Variants in SHF observed in about 807,000 individuals in gnomAD.
SHF encodes the protein Src homology 2 domain containing F, also known as SH2 domain-containing adapter protein F.
In SHF, 30 loss-of-function variants were observed where a neutral mutation model predicts 42.4. The ratio of observed to expected loss-of-function variants is 0.71; its 90% CI spans 0.53 to 0.96. The LOEUF is 0.96. Among genes scored for constraint, SHF ranks in the 40% least tolerant of loss-of-function variants. The probability of loss-of-function intolerance (pLI) is 0.00; values close to 1 mark genes in which losing one functional copy is unlikely to be tolerated. For missense variants in SHF, 598 were observed against 634.0 expected (o/e 0.94, Z 0.61); for synonymous variants, 264 against 269.9 (o/e 0.98, Z 0.21).
At chr15:45,175,455 G>A (rs1897751071) in intron 2 of SHF, 30 bp from the exon 3 acceptor site, 2 of 1,553,886 alleles carry the variant, frequency 1.3e-6, no homozygotes, top group Non-Finnish European at 1.7e-6. Flanking sequence ...AGGGAAAGGT[G>A]AGGGTTCAGC....
chr15:45,198,274 A>G (rs1366017981), intron 2 of SHF, among the ~76,000 whole-genome samples: 2 of 152,120 alleles, frequency 1.3e-5, no homozygotes, highest in Admixed American at 1.3e-4. Context: ...CTGTCTCAAA[A>G]ATAAATAAAT....
At chr15:45,183,980 T>A (rs577749695) in intron 1 of SHF, among the ~76,000 whole-genome samples, 1 of 152,308 alleles carries the variant, frequency 6.6e-6, no homozygotes, top group East Asian at 1.9e-4. Context: ...CCTCCCTCCC[T>A]TCCCCAGACT....
chr15:45,187,809 G>A lies in SHF; in HGVS notation c.143C>T (p.Ala48Val), dbSNP rs1335357182. ...GCCCAGGTGCTCCCGGAGCCACTTGGCTACTCCGCCGCTGCCGCCCCCTCC... is the reference window on the plus strand; with the variant it reads ...GCCCAGGTGCTCCCGGAGCCACTTGACTACTCCGCCGCTGCCGCCCCCTCC... ...GPGGGGSGGVAKWLREHLGFR... is the reference protein window; with the variant it reads ...GPGGGGSGGVVKWLREHLGFR... Residue 48 changes from alanine to valine, a missense_variant, in exon 1 of 7, where the codon GCC becomes GTC. Coordinates refer to ENST00000690270, the MANE Select transcript of SHF (RefSeq NM_001394037.1). The A allele has an allele frequency of 4.5e-6, 4 of 887,910 alleles. No homozygotes were observed. The highest frequency in any genetic ancestry group is 4.4e-5 in the Admixed American group (1 of 22,814). The allele number at this position is 887,910 out of a possible 1,614,324, so 55.0% of individuals were successfully genotyped here.
upstream of SHF, among the ~76,000 whole-genome samples, chr15:45,189,981 G>A (rs1645032492): frequency 6.6e-6 from 1 of 152,164 alleles, no homozygotes. Context: ...AGTGCTGCTT[G>A]TATTTAGGAC....
rs149255541 is a variant in SHF at position 45,174,278 on chromosome 15, G to A, written c.848-562C>T. On this transcript the variant is annotated intron_variant, in intron 3 of 6. Transcript: ENST00000690270. Reference sequence around the variant, plus strand: ...TCCTGAGAAGAGTGATGCCACTGGCGGCTGCTGGACTGCTAACGAGGTTTC... The same window carrying A: ...TCCTGAGAAGAGTGATGCCACTGGCAGCTGCTGGACTGCTAACGAGGTTTC... 3.4e-3 allele frequency: 574 copies of A among 169,794 alleles called. 4 individuals carry two copies. Among genetic ancestry groups the A allele is most frequent in the African/African-American group, 0.013 (538 of 41,616 alleles). The allele number at this position is 169,794 out of a possible 1,614,324, so 10.5% of individuals were successfully genotyped here.
intron 1 of SHF, among the ~76,000 whole-genome samples, chr15:45,200,163 A>G (rs1278185706): frequency 6.6e-6 from 1 of 152,060 alleles, no homozygotes; most frequent in Non-Finnish European, 1.5e-5. Context: ...GGAAATTTGT[A>G]CGTATGTCTA....
At position 45,187,527 on chromosome 15, in the gene SHF, C is replaced by T. The variant is rs1898495605; in HGVS notation, c.425G>A (p.Arg142Gln). 2 of 1,230,962 alleles carry T rather than the reference C, an allele frequency of 1.6e-6. No individual in the cohort carries two copies. The highest frequency in any genetic ancestry group is 3.1e-5 in the African/African-American group (2 of 64,346). The allele number at this position is 1,230,962 out of a possible 1,614,324, so 76.3% of individuals were successfully genotyped here. ...CGCCGGGGGCCCCGGGGTCTCGACC[C>T]GAATAAGGCGGTGTGGGGGAGAGCC... Reference protein sequence around the residue: ...RHGSPPHRLIRVETPGPPAPP... With the variant: ...RHGSPPHRLIQVETPGPPAPP... Residue 142 changes from arginine (R) to glutamine (Q), a missense_variant, in exon 1 of 7, where the codon CGG (arginine) becomes CAG (glutamine). By Grantham distance (43) the Arg-to-Gln change is conservative. Transcript: ENST00000690270.
chr15:45,189,417 C>T (rs1266942830), upstream of SHF, among the ~76,000 whole-genome samples: 2 of 100,518 alleles, frequency 2.0e-5, no homozygotes, highest in Non-Finnish European at 1.8e-5. Context: ...TTTTTTGAGA[C>T]GGAGTCTCAC....
In SHF at chr15:45,167,635, GC is replaced by G. The variant is rs1340435985; in HGVS notation, c.*311del. On this transcript the variant is annotated 3_prime_UTR_variant, in exon 7 of 7. Transcript: ENST00000690270. ...GGTGGTGGTGGAGGTCACCACCTCT[GC>G]CCTAAGGTCGGAAAGGAGCCGGAGC... is the stretch of plus-strand genomic sequence containing the variant. The G allele has an allele frequency of 4.0e-5, 9 of 224,780 alleles. No homozygotes were observed. Among genetic ancestry groups the G allele is most frequent in the Non-Finnish European group, 8.6e-6 (1 of 116,238 alleles). The allele number at this position is 224,780 out of a possible 1,614,324, so 13.9% of individuals were successfully genotyped here. A position where few individuals can be genotyped will look rare whatever the true frequency, so the allele number is the denominator to read the frequency against.
intron 2 of SHF, among the ~76,000 whole-genome samples, chr15:45,177,537 G>A (rs750257176): frequency 5.3e-5 from 8 of 152,004 alleles, no homozygotes; most frequent in African/African-American, 1.2e-4. Context: ...GCACTGCTCC[G>A]CCCCTCTCGG....
chr15:45,199,622 C>T (rs1473530246), intron 1 of SHF, among the ~76,000 whole-genome samples: 1 of 152,176 alleles, frequency 6.6e-6, no homozygotes, highest in Non-Finnish European at 1.5e-5. Context: ...CAGTGTCGTT[C>T]CCCATGCCTC....
chr15:45,181,447 C>G (rs1414369140), intron 1 of SHF, among the ~76,000 whole-genome samples: 1 of 152,228 alleles, frequency 6.6e-6, no homozygotes, highest in East Asian at 1.9e-4. Flanking sequence ...CCAGGATAGA[C>G]TGCTTAGTGG....
intron 2 of SHF, among the ~76,000 whole-genome samples, chr15:45,177,899 C>T (rs1014831359): frequency 2.6e-5 from 4 of 152,304 alleles, no homozygotes; most frequent in Admixed American, 2.6e-4. Flanking sequence ...ATCCTCCCAG[C>T]CCTCACCACT....
In SHF at chr15:45,187,661, G is replaced by A. The variant is rs1898508244; in HGVS notation, c.291C>T (p.Tyr97=). The part of the protein sequence containing the change: ...PAPPPDILAA[Y]RLQRERDFED... ...CGAAGTCGCGCTCCCGCTGCAGCCT[G>A]TAGGCGGCCAGGATGTCCGGGGGCG... Residue 97 remains tyrosine, a synonymous_variant, in exon 1 of 7, where the codon TAC becomes TAT. Coordinates refer to ENST00000690270, the MANE Select transcript of SHF (RefSeq NM_001394037.1). 1.6e-6 allele frequency: 2 copies of A among 1,226,316 alleles called. No homozygotes were observed. The highest frequency in any genetic ancestry group is 4.1e-5 in the South Asian group (1 of 24,242). The allele number at this position is 1,226,316 out of a possible 1,614,324, so 76.0% of individuals were successfully genotyped here. A position where few individuals can be genotyped will look rare whatever the true frequency, so the allele number is the denominator to read the frequency against.
chr15:45,168,620 C>A (rs1254183915), intron 6 of SHF, among the ~76,000 whole-genome samples: 1 of 152,142 alleles, frequency 6.6e-6, no homozygotes, highest in Non-Finnish European at 1.5e-5. Flanking sequence ...TTCATTGGGG[C>A]TCTCCCTTCT....
At position 45,187,460 on chromosome 15, in the gene SHF, G is replaced by A; in HGVS notation, c.492C>T (p.Ser164=). 4 of 1,232,526 alleles carry A rather than the reference G, an allele frequency of 3.2e-6. No homozygotes were observed. The South Asian group carries it at 1.2e-4, about 38-fold the overall frequency. 76.3% of individuals were successfully genotyped at this position (1,232,526 alleles called of 1,614,324 possible). A position where few individuals can be genotyped will look rare whatever the true frequency, so the allele number is the denominator to read the frequency against. ...DERISGPPAS[S]DRLAILEDYA... ...GGCCCGGCGCGGCACTCACCCTATCGCTGCTGGCGGGGGGTCCGGAGATCC... is the reference window on the plus strand; with the variant it reads ...GGCCCGGCGCGGCACTCACCCTATCACTGCTGGCGGGGGGTCCGGAGATCC... Residue 164 remains serine (S), a synonymous_variant, in exon 1 of 7, where the codon AGC becomes AGT. Coordinates refer to ENST00000690270, the MANE Select transcript of SHF (RefSeq NM_001394037.1).
chr15:45,167,685 T>C lies in SHF; in HGVS notation c.*262A>G, dbSNP rs1382544204. On this transcript the variant is annotated 3_prime_UTR_variant, in exon 7 of 7. Transcript: ENST00000690270. ...GCTGCCAGTCTGAAACTCCCTACCA[T>C]CCCAGTAGCTCTGGAACCCCCTTCC... 6 of 314,920 alleles carry C rather than the reference T, an allele frequency of 1.9e-5. No homozygotes were observed. Among genetic ancestry groups the C allele is most frequent in the Non-Finnish European group, 2.9e-5 (5 of 174,274 alleles). 19.5% of individuals were successfully genotyped at this position (314,920 alleles called of 1,614,324 possible).
intron 3 of SHF, 54 bp downstream of exon 3, chr15:45,175,165 C>G: frequency 6.5e-7 from 1 of 1,532,012 alleles, no homozygotes; most frequent in East Asian, 2.4e-5. Flanking sequence ...TTCTCTTGAG[C>G]CTGGAAAGCT....
intron 6 of SHF, chr15:45,170,412 A>C: frequency 7.8e-7 from 1 of 1,288,860 alleles, no homozygotes; most frequent in Non-Finnish European, 1.0e-6. Context: ...TATGTAAATC[A>C]AATTTTTGAC....
Sources: gnomAD v4.1 joint callset for allele counts (sites outside exome capture counted in the v4.1 genomes callset) on GRCh38, gnomAD v4.1.1 for gene constraint, MANE v1.5 for transcripts, NCBI Gene and HGNC (gene_info 2026-07-23, HGNC 2026-07-21) for gene names.